Variants in SLC35F2 observed in about 807,000 individuals in gnomAD.
The protein encoded by SLC35F2 is queuine/queuosine transporter SLC35F2.
In SLC35F2, 25 loss-of-function variants were observed where a neutral mutation model predicts 38.1. The observed-to-expected ratio is 0.66, with a 90% CI of 0.48 to 0.92. SLC35F2 has a LOEUF of 0.92. Ranked by LOEUF, SLC35F2 falls within the 40% of genes least tolerant of loss-of-function variation. SLC35F2 has a pLI of 0.00. For missense variants in SLC35F2, 409 were observed against 452.9 expected (o/e 0.90, Z 0.88); for synonymous variants, 173 against 181.7 (o/e 0.95, Z 0.38).
rs184329712 is a variant in SLC35F2 at position 107,791,376 on chromosome 11, A to G, written c.*1239T>C. 3.9e-5 allele frequency: 6 copies of G among 152,358 alleles called. No homozygotes were observed. Among genetic ancestry groups the G allele is most frequent in the African/African-American group, 1.4e-4 (6 of 41,582 alleles). 9.4% of individuals were successfully genotyped at this position (152,358 alleles called of 1,614,324 possible). A position where few individuals can be genotyped will look rare whatever the true frequency, so the allele number is the denominator to read the frequency against. On this transcript the variant is annotated 3_prime_UTR_variant, in exon 8 of 8. Transcript: ENST00000525815. ...TAGTTTCTTGAGCTGATGCTAAATA[A>G]AATGAGATCAATAGGAATATTCCAG... is the stretch of plus-strand genomic sequence containing the variant.
chr11:107,849,338 T>C (rs923148002), intron 1 of SLC35F2, among the ~76,000 whole-genome samples: 45 of 152,226 alleles, frequency 3.0e-4, no homozygotes, highest in African/African-American at 1.1e-3. Context: ...TGAACTGAAT[T>C]AGTCACAATA....
At chr11:107,792,880 G>A (rs1859155193) in intron 7 of SLC35F2, 80 bp from the exon 8 acceptor site, 2 of 1,425,894 alleles carry the variant, frequency 1.4e-6, no homozygotes, top group Non-Finnish European at 1.8e-6. Context: ...TGTGCTTCGA[G>A]GATTACCCTC....
At position 107,853,547 on chromosome 11, in the gene SLC35F2, C is replaced by T. The variant is rs865825278; in HGVS notation, c.110+5111G>A. On this transcript the variant is annotated intron_variant, in intron 1 of 7. Coordinates refer to ENST00000525815, the MANE Select transcript of SLC35F2 (RefSeq NM_017515.5). ...TCCTGGCTAACACAGTGAAACCCCG[C>T]CTCTACTAAAAATACAAAAAAAATT... is the stretch of plus-strand genomic sequence containing the variant. Among the ~76,000 whole-genome samples, 340 of 149,398 alleles carry T rather than the reference C, an allele frequency of 2.3e-3. 1 individual carries two copies. Among genetic ancestry groups the T allele is most frequent in the African/African-American group, 8.1e-3 (328 of 40,552 alleles).
chr11:107,792,509 G>T lies in SLC35F2; in HGVS notation c.*106C>A. 2 of 1,312,138 alleles carry T rather than the reference G, an allele frequency of 1.5e-6. No individual in the cohort carries two copies. Among genetic ancestry groups the T allele is most frequent in the Non-Finnish European group, 2.0e-6 (2 of 979,670 alleles). 81.3% of individuals were successfully genotyped at this position (1,312,138 alleles called of 1,614,324 possible). ...AACCTAACCACTGGATCCAACCCAG[G>T]GTTGTAGAGTGTCCATTCTGAGTCT... is the stretch of plus-strand genomic sequence containing the variant. On this transcript the variant is annotated 3_prime_UTR_variant, in exon 8 of 8. Coordinates refer to ENST00000525815, the MANE Select transcript of SLC35F2 (RefSeq NM_017515.5).
Position 107,792,470 on chromosome 11 carries a change from G to T in SLC35F2, c.*145C>A. 1 of 888,578 alleles carries T rather than the reference G, an allele frequency of 1.1e-6. No homozygotes were observed. Among genetic ancestry groups the T allele is most frequent in the Non-Finnish European group, 1.6e-6 (1 of 615,082 alleles). The allele number at this position is 888,578 out of a possible 1,614,324, so 55.0% of individuals were successfully genotyped here. On this transcript the variant is annotated 3_prime_UTR_variant, in exon 8 of 8. Coordinates refer to ENST00000525815, the MANE Select transcript of SLC35F2 (RefSeq NM_017515.5). ...TATTTCTACTTTTGAACTTTGTTCA[G>T]TGTTCCTTTCTAAAACCTAACCACT...
intron 1 of SLC35F2, among the ~76,000 whole-genome samples, chr11:107,822,913 T>C (rs1859697047): frequency 6.6e-6 from 1 of 152,084 alleles, no homozygotes. Context: ...TACAAGTTTG[T>C]GCCTAATTTA....
At chr11:107,810,506 C>T in intron 3 of SLC35F2, 4 of 985,042 alleles carry the variant, frequency 4.1e-6, no homozygotes, top group Non-Finnish European at 4.8e-6. Flanking sequence ...CTTATGTATA[C>T]TTCATTAACC....
At chr11:107,818,203 G>A (rs564228407) in intron 1 of SLC35F2, among the ~76,000 whole-genome samples, 33 of 151,988 alleles carry the variant, frequency 2.2e-4, no homozygotes, top group Admixed American at 5.2e-4. Context: ...AGGCTGAGGC[G>A]GGTGAATTAC....
intron 1 of SLC35F2, among the ~76,000 whole-genome samples, chr11:107,835,261 T>G (rs1056715433): frequency 2.6e-5 from 4 of 152,148 alleles, no homozygotes; most frequent in African/African-American, 9.7e-5. Flanking sequence ...AGGTCATCTA[T>G]CTCAAAACAA....
intron 2 of SLC35F2, among the ~76,000 whole-genome samples, chr11:107,812,915 C>T (rs918685835): frequency 1.3e-5 from 2 of 152,062 alleles, no homozygotes; most frequent in Middle Eastern, 3.2e-3. Flanking sequence ...ATTAAGTCCT[C>T]GATAAGCTTG....
rs188175066 is a variant in SLC35F2, at chr11:107,817,104, C to T, written c.111-1139G>A. On this transcript the variant is annotated intron_variant, in intron 1 of 7. Coordinates refer to ENST00000525815, the MANE Select transcript of SLC35F2 (RefSeq NM_017515.5). ...CAGCCTGGCCAACATGGTGAAACCG[C>T]GTCTCTACTAAAACTACAAACATTA... 2.1e-3 allele frequency among the ~76,000 whole-genome samples: 322 copies of T among 152,026 alleles called. 1 individual carries two copies. The highest frequency in any genetic ancestry group is 7.1e-3 in the African/African-American group (295 of 41,444).
chr11:107,803,302 A>G (rs1859342993), intron 6 of SLC35F2, 147 bp from the exon 7 acceptor site: 1 of 1,319,948 alleles, frequency 7.6e-7, no homozygotes, highest in Non-Finnish European at 9.7e-7. Context: ...TGAAAATGAG[A>G]CCATAAAGCT....
intron 7 of SLC35F2, 49 bp downstream of exon 7, chr11:107,802,952 T>C (rs747993488): frequency 1.3e-6 from 2 of 1,513,700 alleles, no homozygotes; most frequent in South Asian, 2.6e-5. Context: ...CTGCTACGTT[T>C]TTTGGATCCA....
chr11:107,811,046 C>T (rs80138491), intron 3 of SLC35F2: 13,113 of 984,970 alleles, frequency 0.013, 158 homozygotes, highest in East Asian at 0.072. Context: ...ACTTATAAAA[C>T]ATTTTGTAGT....
intron 1 of SLC35F2, among the ~76,000 whole-genome samples, chr11:107,832,788 CAG>C (rs1450157227): frequency 6.6e-6 from 1 of 152,170 alleles, no homozygotes; most frequent in Non-Finnish European, 1.5e-5. Flanking sequence ...GCCTGGGTGA[CAG>C]AGTGAGACCC....
chr11:107,801,370 A>G (rs1859308790), intron 7 of SLC35F2, among the ~76,000 whole-genome samples: 1 of 152,228 alleles, frequency 6.6e-6, no homozygotes. Context: ...CTAGTAAGCC[A>G]CAGAGTAAAG....
At chr11:107,832,696 T>C (rs1859864790) in intron 1 of SLC35F2, among the ~76,000 whole-genome samples, 1 of 152,056 alleles carries the variant, frequency 6.6e-6, no homozygotes, top group Non-Finnish European at 1.5e-5. Flanking sequence ...GTCCCAGCTA[T>C]TTAGGAGGCT....
In SLC35F2 at chr11:107,802,736, G is replaced by A. The variant is rs189322812; in HGVS notation, c.939+265C>T. Among the ~76,000 whole-genome samples, 6 of 152,288 alleles carry A rather than the reference G, an allele frequency of 3.9e-5. No individual in the cohort carries two copies. In the East Asian group the frequency reaches 1.2e-3, roughly 29 times the overall value. ...CAGCTTGTTTATCACCTGAAAACAT[G>A]CGTTAACAATTCCATAAGCTAGTGC... On this transcript the variant is annotated intron_variant, in intron 7 of 7. Transcript: ENST00000525815.
chr11:107,854,284 A>C (rs1346577547), intron 1 of SLC35F2, among the ~76,000 whole-genome samples: 1 of 150,848 alleles, frequency 6.6e-6, no homozygotes, highest in Non-Finnish European at 1.5e-5. Flanking sequence ...AAAAAAAAAA[A>C]CTAGTAGTGC....
Sources: gnomAD v4.1 joint callset for allele counts (sites outside exome capture counted in the v4.1 genomes callset) on GRCh38, gnomAD v4.1.1 for gene constraint, MANE v1.5 for transcripts, NCBI Gene and HGNC (gene_info 2026-07-23, HGNC 2026-07-21) for gene names.